Variants in MFN1 observed in about 807,000 individuals in gnomAD.
MFN1 encodes the protein mitofusin-1.
Under a neutral mutation model 92.4 loss-of-function variants are expected in MFN1, and 65 were observed. That is an observed-to-expected ratio of 0.70 (90% CI 0.58 to 0.86). The LOEUF (loss-of-function observed/expected upper bound fraction) is 0.86. Among genes scored for constraint, MFN1 ranks in the 40% least tolerant of loss-of-function variants. The probability of loss-of-function intolerance (pLI) is 0.00; values close to 1 mark genes in which losing one functional copy is unlikely to be tolerated. For synonymous variants in MFN1, 297 were observed against 300.9 expected, an observed-to-expected ratio of 0.99 and a Z score of 0.13; for missense variants, 781 against 868.0, an observed-to-expected ratio of 0.90 and a Z score of 1.26.
intron 3 of MFN1, among the ~76,000 whole-genome samples, chr3:179,355,974 C>T (rs951250126): frequency 6.6e-6 from 1 of 151,972 alleles, no homozygotes; most frequent in Non-Finnish European, 1.5e-5. Context: ...AAAATGCCAG[C>T]CAGGTAAAAG....
intron 11 of MFN1, 77 bp from the exon 12 acceptor site, chr3:179,377,267 G>T: frequency 1.3e-6 from 2 of 1,521,000 alleles, no homozygotes; most frequent in South Asian, 1.2e-5. Context: ...AATGTTTTCA[G>T]ATTTTTCAAT....
intron 3 of MFN1, among the ~76,000 whole-genome samples, chr3:179,354,308 AG>A (rs1404688423): frequency 6.6e-6 from 1 of 152,254 alleles, no homozygotes; most frequent in Non-Finnish European, 1.5e-5. Context: ...GTTGAATTTA[AG>A]GTGTTACGAA....
At chr3:179,358,153 T>G (rs1054042137) in intron 3 of MFN1, among the ~76,000 whole-genome samples, 3 of 144,692 alleles carry the variant, frequency 2.1e-5, no homozygotes, top group African/African-American at 8.1e-5. Context: ...TCATTTTGTT[T>G]TTTTTTTTTT....
intron 9 of MFN1, among the ~76,000 whole-genome samples, chr3:179,370,745 C>T (rs957151267): frequency 2.0e-5 from 3 of 152,134 alleles, no homozygotes; most frequent in Non-Finnish European, 4.4e-5. Context: ...GTTGAAGATG[C>T]ATTGGTTTTT....
At chr3:179,372,671 T>TA (rs1335506431) in intron 9 of MFN1, among the ~76,000 whole-genome samples, 2 of 152,220 alleles carry the variant, frequency 1.3e-5, no homozygotes, top group African/African-American at 4.8e-5. Context: ...AATCAGACAG[T>TA]AACTTATATT....
At position 179,385,554 on chromosome 3, in the gene MFN1, C is replaced by T. The variant is rs74357033; in HGVS notation, c.1663-15C>T. On this transcript the variant is annotated splice_polypyrimidine_tract_variant and intron_variant, in intron 14 of 17. Coordinates refer to ENST00000471841, the MANE Select transcript of MFN1 (RefSeq NM_033540.3). ...TTAAGTGTAATCTTTTTTCCTTTCT[C>T]TTTTTTTTTGGCAGCTCCCTAGATC... The T allele has an allele frequency of 2.6e-4, 380 of 1,434,564 alleles. No homozygotes were observed. Among genetic ancestry groups the T allele is most frequent in the Middle Eastern group, 2.0e-3 (8 of 3,966 alleles). The allele number at this position is 1,434,564 out of a possible 1,614,324, so 88.9% of individuals were successfully genotyped here. A position where few individuals can be genotyped will look rare whatever the true frequency, so the allele number is the denominator to read the frequency against.
At chr3:179,391,664 T>G (rs1439537781) in intron 17 of MFN1, among the ~76,000 whole-genome samples, 2 of 152,198 alleles carry the variant, frequency 1.3e-5, no homozygotes, top group East Asian at 3.9e-4. Context: ...TCCTCTCTTG[T>G]GGGCATTTGG....
chr3:179,358,675 A>G (rs1408994354), intron 3 of MFN1, among the ~76,000 whole-genome samples, 165 bp from the exon 4 acceptor site: 1 of 152,224 alleles, frequency 6.6e-6, no homozygotes, highest in Non-Finnish European at 1.5e-5. Flanking sequence ...TGAAATGTAC[A>G]TTGCTAGTAT....
At chr3:179,366,540 A>G (rs980324867) in intron 7 of MFN1, among the ~76,000 whole-genome samples, 3 of 152,174 alleles carry the variant, frequency 2.0e-5, no homozygotes, top group Non-Finnish European at 4.4e-5. Flanking sequence ...GGACAAGATA[A>G]AAATAACTTA....
At position 179,394,374 on chromosome 3, in the gene MFN1, G is replaced by A. The variant is rs6762044; in HGVS notation, c.*2315G>A. 173 of 142,618 alleles carry A rather than the reference G, an allele frequency of 1.2e-3. No homozygotes were observed. Among genetic ancestry groups the A allele is most frequent in the African/African-American group, 4.4e-3 (170 of 38,388 alleles). The allele number at this position is 142,618 out of a possible 1,614,324, so 8.8% of individuals were successfully genotyped here. On this transcript the variant is annotated 3_prime_UTR_variant, in exon 18 of 18. Coordinates refer to ENST00000471841, the MANE Select transcript of MFN1 (RefSeq NM_033540.3). The stretch of plus-strand genomic sequence containing the variant: ...GATCAATTGTGAAAACATAATGAAT[G>A]TTGGAAATGGAACAGTAAAATAACG...
At chr3:179,348,747 A>G (rs762897527) in intron 1 of MFN1, 98 bp from the exon 2 acceptor site, 6 of 1,504,988 alleles carry the variant, frequency 4.0e-6, no homozygotes, top group African/African-American at 1.4e-5. Context: ...AGCATAATTT[A>G]TTTCATTGGG....
chr3:179,357,933 G>A (rs1712406613), intron 3 of MFN1, among the ~76,000 whole-genome samples: 1 of 152,050 alleles, frequency 6.6e-6, no homozygotes, highest in South Asian at 2.1e-4. Flanking sequence ...ACATGTCTGG[G>A]ACCTGGGCTG....
At chr3:179,363,735 C>T (rs561705516) in intron 5 of MFN1, among the ~76,000 whole-genome samples, 10 of 152,216 alleles carry the variant, frequency 6.6e-5, no homozygotes, top group South Asian at 4.2e-4. Flanking sequence ...CTCAAACTCC[C>T]GCCTTGGCAT....
intron 4 of MFN1, among the ~76,000 whole-genome samples, chr3:179,361,937 A>G (rs553355072): frequency 5.3e-5 from 8 of 152,340 alleles, no homozygotes; most frequent in South Asian, 2.1e-4. Context: ...TGTTCCTGCA[A>G]AAGACTTGAT....
At chr3:179,377,235 G>T in intron 11 of MFN1, 67 bp downstream of exon 11, 1 of 1,544,576 alleles carries the variant, frequency 6.5e-7, no homozygotes, top group Admixed American at 1.9e-5. Context: ...TGCTAAAAAT[G>T]TTATTCCTGT....
intron 15 of MFN1, 41 bp from the exon 16 acceptor site, chr3:179,386,392 T>G: frequency 6.6e-7 from 1 of 1,515,562 alleles, no homozygotes; most frequent in Non-Finnish European, 9.1e-7. Flanking sequence ...TCCAAAGTGG[T>G]GTTTTTCCTT....
chr3:179,349,241 A>G (rs1334475798), intron 2 of MFN1, among the ~76,000 whole-genome samples: 1 of 152,194 alleles, frequency 6.6e-6, no homozygotes, highest in African/African-American at 2.4e-5. Flanking sequence ...TTTCATCACC[A>G]CCATCTGTCA....
rs1313138741 is a variant in MFN1 at position 179,377,177 on chromosome 3, CAGT to C, written c.1224+12_1224+14del. The stretch of plus-strand genomic sequence containing the variant: ...AGGAGGTGGCAAACAAAGTGGGTAA[CAGT>C]AGCTTCATGATTAAAATAACCTGGA... On this transcript the variant is annotated intron_variant, in intron 11 of 17. Coordinates refer to ENST00000471841, the MANE Select transcript of MFN1 (RefSeq NM_033540.3). 6.2e-7 allele frequency: 1 copy of C among 1,609,024 alleles called. No individual in the cohort carries two copies. Among genetic ancestry groups the C allele is most frequent in the Non-Finnish European group, 8.5e-7 (1 of 1,178,276 alleles).
At chr3:179,390,499 T>C (rs960976660) in intron 17 of MFN1, among the ~76,000 whole-genome samples, 10 of 152,322 alleles carry the variant, frequency 6.6e-5, no homozygotes, top group African/African-American at 2.4e-4. Flanking sequence ...CCAAGACCCA[T>C]AACTTCTGTT....
Sources: allele counts gnomAD v4.1 joint callset (sites outside exome capture counted in the v4.1 genomes callset), GRCh38; gene constraint gnomAD v4.1.1; transcripts MANE v1.5; gene names NCBI Gene and HGNC (gene_info 2026-07-23, HGNC 2026-07-21).